GIGYF2: variants seen among roughly 807,000 people sequenced by gnomAD.
GIGYF2 encodes the protein GRB10-interacting GYF protein 2.
A neutral mutation model predicts 208.1 loss-of-function variants in GIGYF2; 25 were observed. The observed-to-expected ratio is 0.12, with a 90% CI of 0.09 to 0.17. The LOEUF (loss-of-function observed/expected upper bound fraction) is 0.17, where lower values mean the gene tolerates loss of function less well. Among genes scored for constraint, GIGYF2 ranks in the 10% least tolerant of loss-of-function variants. The pLI, the probability that GIGYF2 is intolerant of heterozygous loss-of-function variation, is 1.00. For missense variants in GIGYF2, 1,302 were observed against 1,579.4 expected (o/e 0.82, Z 2.98); for synonymous variants, 534 against 543.8 (o/e 0.98, Z 0.25).
chr2:232,819,188 G>A (rs1472692373), intron 20 of GIGYF2, among the ~76,000 whole-genome samples: 3 of 152,058 alleles, frequency 2.0e-5, no homozygotes, highest in African/African-American at 4.8e-5. Context: ...TGAGAACTAC[G>A]GTTAATTCTT....
chr2:232,826,147 T>C (rs748969491), intron 21 of GIGYF2, among the ~76,000 whole-genome samples: 1 of 152,202 alleles, frequency 6.6e-6, no homozygotes, highest in Non-Finnish European at 1.5e-5. Context: ...CTATTCTGAA[T>C]AGTGGCCGAA....
At chr2:232,698,980 A>T (rs1000904103) in intron 1 of GIGYF2, among the ~76,000 whole-genome samples, 1 of 152,218 alleles carries the variant, frequency 6.6e-6, no homozygotes, top group African/African-American at 2.4e-5. Flanking sequence ...ACTGGGAGCA[A>T]AACAGACCAA....
At chr2:232,814,413 A>AG (rs549617921) in intron 18 of GIGYF2, among the ~76,000 whole-genome samples, 2 of 151,744 alleles carry the variant, frequency 1.3e-5, no homozygotes, top group Non-Finnish European at 2.9e-5. Flanking sequence ...ATAAAAAAAA[A>AG]TTAGCCAGGT....
In GIGYF2 at chr2:232,859,020, G is replaced by A. The variant is rs147167894; in HGVS notation, c.*2160G>A. 1.5e-3 allele frequency: 237 copies of A among 153,020 alleles called. No individual in the cohort carries two copies. Among genetic ancestry groups the A allele is most frequent in the Non-Finnish European group, 1.9e-3 (130 of 68,592 alleles). 9.5% of individuals were successfully genotyped at this position (153,020 alleles called of 1,614,324 possible). ...GGGAGTGGAATGGGCAGATTAGGGGGAACAAAGTCATTTTGGTCATGGAAC... is the reference window on the plus strand; with the variant it reads ...GGGAGTGGAATGGGCAGATTAGGGGAAACAAAGTCATTTTGGTCATGGAAC... On this transcript the variant is annotated 3_prime_UTR_variant, in exon 29 of 29. Coordinates refer to ENST00000373563, the MANE Select transcript of GIGYF2 (RefSeq NM_001103146.3).
chr2:232,796,712 G>T (rs887315110), intron 14 of GIGYF2, among the ~76,000 whole-genome samples: 1 of 152,028 alleles, frequency 6.6e-6, no homozygotes, highest in Non-Finnish European at 1.5e-5. Flanking sequence ...TACAAAATTA[G>T]CTCTGGACAT....
intron 8 of GIGYF2, among the ~76,000 whole-genome samples, chr2:232,776,100 G>T (rs1272478656): frequency 6.6e-6 from 1 of 151,788 alleles, no homozygotes; most frequent in Non-Finnish European, 1.5e-5. Context: ...TGCTCATTTT[G>T]GGTTTTTGAA....
rs1292865728 is a variant in GIGYF2 at position 232,850,293 on chromosome 2, T to G, written c.3716T>G (p.Leu1239Arg). The G allele has an allele frequency of 1.2e-6, 2 of 1,613,520 alleles. No homozygotes were observed. The highest frequency in any genetic ancestry group is 1.7e-6 in the Non-Finnish European group (2 of 1,179,452). Residue 1239 changes from leucine to arginine, a missense_variant, in exon 28 of 29, where the codon CTC becomes CGC. Physicochemically the swap from Leu to Arg is moderately radical, Grantham distance 102. This residue lies in a region of GIGYF2 where 701 missense variants were observed against 793.0 expected (regional missense o/e 0.88). Transcript: ENST00000373563. ...GTGTGGGGGATGAACCACAGTACAC[T>G]CCATTCAGTATTTCAGACCAATCAA... ...DSVWGMNHST[L>R]HSVFQTNQSN...
At chr2:232,735,798 A>G (rs1697709042) in intron 3 of GIGYF2, 1 of 985,406 alleles carries the variant, frequency 1.0e-6, no homozygotes, top group African/African-American at 1.7e-5. Context: ...TTCTCATGGA[A>G]TTTTGAGATC....
At chr2:232,708,206 C>A (rs530214374) in intron 2 of GIGYF2, among the ~76,000 whole-genome samples, 4 of 151,872 alleles carry the variant, frequency 2.6e-5, no homozygotes, top group African/African-American at 4.8e-5. Context: ...GCTATCCTCC[C>A]GCCTTGGTCT....
intron 2 of GIGYF2, among the ~76,000 whole-genome samples, chr2:232,706,506 G>C (rs761619544): frequency 6.6e-6 from 1 of 152,164 alleles, no homozygotes; most frequent in African/African-American, 2.4e-5. Context: ...GCTGGGGCGT[G>C]GTGGCTCACG....
At chr2:232,785,259 A>T (rs1559430353) in intron 8 of GIGYF2, among the ~76,000 whole-genome samples, 1 of 152,204 alleles carries the variant, frequency 6.6e-6, no homozygotes, top group East Asian at 1.9e-4. Context: ...TCAAAACAGC[A>T]AACATTTATT....
chr2:232,766,728 T>G (rs1050736317), intron 8 of GIGYF2: 1 of 152,244 alleles, frequency 6.6e-6, no homozygotes, highest in Admixed American at 6.5e-5. Flanking sequence ...TTCCTTTTGG[T>G]CAAATAGTAG....
chr2:232,731,624 T>C (rs771089693), intron 2 of GIGYF2, among the ~76,000 whole-genome samples: 2 of 152,254 alleles, frequency 1.3e-5, no homozygotes, highest in Non-Finnish European at 2.9e-5. Flanking sequence ...AATTGATTTA[T>C]GTTACAAAAA....
chr2:232,776,654 G>T (rs1699527080), intron 8 of GIGYF2: 1 of 599,500 alleles, frequency 1.7e-6, no homozygotes, highest in Non-Finnish European at 3.0e-6. Flanking sequence ...GCCTGCAGGG[G>T]GGCCAATTAG....
At chr2:232,844,002 C>T (rs1397595027) in intron 23 of GIGYF2, 44 bp from the exon 24 acceptor site, 1 of 1,579,918 alleles carries the variant, frequency 6.3e-7, no homozygotes, top group Non-Finnish European at 8.7e-7. Flanking sequence ...TAACTATTAT[C>T]TAAAAACAGG....
At position 232,856,978 on chromosome 2, in the gene GIGYF2, G is replaced by C. The variant is rs963683843; in HGVS notation, c.*118G>C. On this transcript the variant is annotated 3_prime_UTR_variant, in exon 29 of 29. Coordinates refer to ENST00000373563, the MANE Select transcript of GIGYF2 (RefSeq NM_001103146.3). The stretch of plus-strand genomic sequence containing the variant: ...TCACTCTGCAACAAATCACAGAACC[G>C]ATCATCTCAGGCTTTTTCTTCTGGC... 6.3e-6 allele frequency: 5 copies of C among 798,198 alleles called. No individual in the cohort carries two copies. In the African/African-American group the frequency reaches 6.8e-5, roughly 11 times the overall value. 49.4% of individuals were successfully genotyped at this position (798,198 alleles called of 1,614,324 possible). A position where few individuals can be genotyped will look rare whatever the true frequency, so the allele number is the denominator to read the frequency against.
Position 232,797,489 on chromosome 2 carries a change from TTG to T in GIGYF2, c.1639+1304_1639+1305del, listed in dbSNP as rs67221198. ...CTGGTAAGATACACGAGAGCAGGGCTTGTGTGTGTGTGTGTGTGTGTGTGTGT... is the reference window on the plus strand; with the variant it reads ...CTGGTAAGATACACGAGAGCAGGGCTTGTGTGTGTGTGTGTGTGTGTGTGT... On this transcript the variant is annotated intron_variant, in intron 14 of 28. Coordinates refer to ENST00000373563, the MANE Select transcript of GIGYF2 (RefSeq NM_001103146.3). Among the ~76,000 whole-genome samples the T allele has an allele frequency of 3.8e-3, 553 of 145,082 alleles. 1 individual carries two copies. The highest frequency in any genetic ancestry group is 0.021 in the Middle Eastern group (6 of 284).
At chr2:232,763,767 G>A (rs1698837887) in intron 8 of GIGYF2, among the ~76,000 whole-genome samples, 1 of 151,882 alleles carries the variant, frequency 6.6e-6, no homozygotes, top group Non-Finnish European at 1.5e-5. Flanking sequence ...GGAGGTGGAG[G>A]CTGCAGTGCG....
At chr2:232,851,367 A>C (rs1234240919) in intron 28 of GIGYF2, among the ~76,000 whole-genome samples, 1 of 152,222 alleles carries the variant, frequency 6.6e-6, no homozygotes, top group African/African-American at 2.4e-5. Flanking sequence ...AGGAATAACA[A>C]ACAGTATAGG....
Sources: allele counts gnomAD v4.1 joint callset (sites outside exome capture counted in the v4.1 genomes callset), GRCh38; gene constraint gnomAD v4.1.1; regional missense constraint gnomAD v4.1.1; transcripts MANE v1.5; gene names NCBI Gene and HGNC (gene_info 2026-07-23, HGNC 2026-07-21).